Variants in AGBL4 observed in about 807,000 individuals in gnomAD.
AGBL4 encodes AGBL carboxypeptidase 4.
A neutral mutation model predicts 66.4 loss-of-function variants in AGBL4; 58 were observed. That is an observed-to-expected ratio of 0.87 (90% CI 0.71 to 1.09). The LOEUF (loss-of-function observed/expected upper bound fraction) is 1.09. Ranked by LOEUF, AGBL4 falls within the 50% of genes least tolerant of loss-of-function variation. AGBL4 has a pLI of 0.00. For synonymous variants in AGBL4, 234 were observed against 222.9 expected (o/e 1.05, Z -0.44); for missense variants, 579 against 631.0 (o/e 0.92, Z 0.88).
At chr1:48,540,221 G>C (rs1393941704) in intron 11 of AGBL4, among the ~76,000 whole-genome samples, 2 of 152,144 alleles carry the variant, frequency 1.3e-5, no homozygotes, top group Admixed American at 6.5e-5. Context: ...CAGGCACAAT[G>C]GTAAAACCCT....
chr1:49,514,407 A>G (rs1049720939), intron 3 of AGBL4, among the ~76,000 whole-genome samples: 3 of 152,040 alleles, frequency 2.0e-5, no homozygotes, highest in African/African-American at 7.2e-5. Flanking sequence ...AAATGGAAGA[A>G]CATTCCATGC....
intron 3 of AGBL4, among the ~76,000 whole-genome samples, chr1:49,296,067 G>A (rs1644637930): frequency 6.6e-6 from 1 of 152,068 alleles, no homozygotes; most frequent in Admixed American, 6.6e-5. Context: ...TGTCAACTAA[G>A]ACCCTTAAAA....
chr1:49,447,595 G>C (rs1265116826), intron 3 of AGBL4, among the ~76,000 whole-genome samples: 1 of 152,112 alleles, frequency 6.6e-6, no homozygotes, highest in Non-Finnish European at 1.5e-5. Context: ...TTCCCTGTCT[G>C]GTGCAATGCT....
rs538807924 is a variant in AGBL4 at position 49,596,722 on chromosome 1, AG to A, written c.282+100590del. On this transcript the variant is annotated intron_variant, in intron 3 of 13. Transcript: ENST00000371839. ...ATGTTTGCTACACTGTTCATACTAC[AG>A]CAAATGTTAACAGATGTTCAGGTAA... Among the ~76,000 whole-genome samples the A allele has an allele frequency of 1.4e-3, 210 of 152,356 alleles. 1 individual carries two copies. Among genetic ancestry groups the A allele is most frequent in the African/African-American group, 4.8e-3 (200 of 41,580 alleles).
intron 2 of AGBL4, among the ~76,000 whole-genome samples, chr1:49,717,656 T>C (rs1648258162): frequency 6.6e-6 from 1 of 152,044 alleles, no homozygotes; most frequent in Non-Finnish European, 1.5e-5. Flanking sequence ...ACTATGACTA[T>C]TGTTTATTTC....
At chr1:49,196,461 C>T (rs1484751767) in intron 4 of AGBL4, among the ~76,000 whole-genome samples, 3 of 152,152 alleles carry the variant, frequency 2.0e-5, no homozygotes, top group Non-Finnish European at 4.4e-5. Flanking sequence ...TCTTGCACCT[C>T]ATTGAGATTC....
intron 6 of AGBL4, among the ~76,000 whole-genome samples, chr1:48,688,140 G>C (rs1453593226): frequency 6.6e-6 from 1 of 152,202 alleles, no homozygotes; most frequent in Non-Finnish European, 1.5e-5. Context: ...AGGGAGAGAA[G>C]GAGGGAGGAA....
At chr1:49,873,738 G>A (rs1557533247) in intron 1 of AGBL4, among the ~76,000 whole-genome samples, 1 of 151,986 alleles carries the variant, frequency 6.6e-6, no homozygotes, top group East Asian at 1.9e-4. Flanking sequence ...CATCTTTGGA[G>A]AAAGGCACAG....
chr1:49,396,905 GC>G (rs746199797), intron 3 of AGBL4, among the ~76,000 whole-genome samples: 4 of 152,142 alleles, frequency 2.6e-5, no homozygotes, highest in Non-Finnish European at 5.9e-5. Context: ...AACCTTTTTG[GC>G]ATAAGGACCA....
At chr1:49,461,343 G>A (rs531282262) in intron 3 of AGBL4, among the ~76,000 whole-genome samples, 76 of 151,276 alleles carry the variant, frequency 5.0e-4, no homozygotes, top group Non-Finnish European at 8.6e-4. Context: ...AAAAAAGCTT[G>A]TCTTCAAGCT....
chr1:49,054,664 C>T (rs1308060424), intron 4 of AGBL4, among the ~76,000 whole-genome samples: 1 of 151,792 alleles, frequency 6.6e-6, no homozygotes, highest in Non-Finnish European at 1.5e-5. Flanking sequence ...CAGAACTATA[C>T]AATTTTTATG....
chr1:49,453,547 T>G (rs1048546007), intron 3 of AGBL4, among the ~76,000 whole-genome samples: 14 of 151,764 alleles, frequency 9.2e-5, no homozygotes, highest in African/African-American at 3.4e-4. Context: ...AATAGAATCT[T>G]TCTCATGCTC....
At chr1:49,326,662 T>C (rs975515327) in intron 3 of AGBL4, among the ~76,000 whole-genome samples, 1 of 151,980 alleles carries the variant, frequency 6.6e-6, no homozygotes, top group African/African-American at 2.4e-5. Flanking sequence ...AAGAAGGGAA[T>C]AGAGTCATGA....
intron 1 of AGBL4, among the ~76,000 whole-genome samples, chr1:49,887,015 T>C (rs1018473600): frequency 3.9e-5 from 6 of 152,024 alleles, no homozygotes; most frequent in African/African-American, 9.7e-5. Context: ...GTACTCACTC[T>C]GTGCTAGGCG....
intron 6 of AGBL4, among the ~76,000 whole-genome samples, chr1:48,827,995 TACACACACAC>T (rs375257744): frequency 0.02 from 2,331 of 116,960 alleles, 63 homozygotes; most frequent in African/African-American, 0.067. Context: ...CTACTAAAAA[TACACACACAC>T]ACACACACAC....
At chr1:49,141,623 T>TA (rs1646119552) in intron 4 of AGBL4, among the ~76,000 whole-genome samples, 1 of 152,104 alleles carries the variant, frequency 6.6e-6, no homozygotes, top group Non-Finnish European at 1.5e-5. Flanking sequence ...CTGAAGAGGC[T>TA]AGTGTGGCTA....
chr1:48,674,888 C>T (rs1245576984), intron 6 of AGBL4, among the ~76,000 whole-genome samples: 9 of 152,170 alleles, frequency 5.9e-5, no homozygotes, highest in Non-Finnish European at 1.3e-4. Context: ...TCCCTCCCAG[C>T]CCCTTCTGCT....
chr1:49,049,249 A>G (rs191332569), intron 4 of AGBL4, among the ~76,000 whole-genome samples: 2 of 152,172 alleles, frequency 1.3e-5, no homozygotes, highest in East Asian at 3.9e-4. Context: ...GTGAATTCCT[A>G]CTGATAGATG....
chr1:50,021,163 T>C (rs1178093145), intron 1 of AGBL4, among the ~76,000 whole-genome samples: 1 of 152,220 alleles, frequency 6.6e-6, no homozygotes, highest in Non-Finnish European at 1.5e-5. Context: ...GCATTCAGTC[T>C]ACTGAGTATT....
Sources: allele counts gnomAD v4.1 joint callset (sites outside exome capture counted in the v4.1 genomes callset), GRCh38; gene constraint gnomAD v4.1.1; transcripts MANE v1.5; gene names NCBI Gene and HGNC (gene_info 2026-07-23, HGNC 2026-07-21).